LSAMP: variants seen among roughly 807,000 people sequenced by gnomAD.
LSAMP encodes limbic system associated membrane protein, also known as limbic system-associated membrane protein.
A neutral mutation model predicts 38.6 loss-of-function variants in LSAMP; 7 were observed. The ratio of observed to expected loss-of-function variants is 0.18; its 90% CI spans 0.10 to 0.34. The LOEUF (loss-of-function observed/expected upper bound fraction) is 0.34. Ranked by LOEUF, LSAMP falls within the 10% of genes least tolerant of loss-of-function variation. The probability of loss-of-function intolerance (pLI) is 1.00; values close to 1 mark genes in which losing one functional copy is unlikely to be tolerated. For missense variants in LSAMP, 313 were observed against 420.0 expected (o/e 0.75, Z 2.23); for synonymous variants, 154 against 166.8 (o/e 0.92, Z 0.59).
chr3:115,873,429 T>C (rs1936101682), intron 3 of LSAMP, among the ~76,000 whole-genome samples: 1 of 150,492 alleles, frequency 6.6e-6, no homozygotes, highest in African/African-American at 2.4e-5. Context: ...AGAAATTCTG[T>C]TTCAGAGAAA....
At chr3:116,149,691 A>G (rs190520093) in intron 1 of LSAMP, among the ~76,000 whole-genome samples, 40 of 152,076 alleles carry the variant, frequency 2.6e-4, no homozygotes, top group Admixed American at 2.1e-3. Context: ...ACAGCATTCA[A>G]TGGTTCATTT....
At chr3:116,121,854 C>T (rs9827733) in intron 1 of LSAMP, among the ~76,000 whole-genome samples, 21,538 of 150,804 alleles carry the variant, frequency 0.14, 1,783 homozygotes, top group Non-Finnish European at 0.19. Context: ...AATTCATAAA[C>T]TTTCTTAAAA....
chr3:116,191,392 G>A (rs762581330), intron 1 of LSAMP, among the ~76,000 whole-genome samples: 7 of 152,134 alleles, frequency 4.6e-5, no homozygotes, highest in Non-Finnish European at 8.8e-5. Context: ...ATCACCCTAA[G>A]GGATCTACAG....
At position 115,807,777 on chromosome 3, in the gene LSAMP, C is replaced by CTTCTTAGTTTGGT. The variant is rs1413985895; in HGVS notation, c.*2539_*2540insACCAAACTAAGAA. On this transcript the variant is annotated 3_prime_UTR_variant, in exon 7 of 7. Coordinates refer to ENST00000490035, the MANE Select transcript of LSAMP (RefSeq NM_002338.5). ...ACCCTTTATTCTTGAACTAAGAAGA[C>CTTCTTAGTTTGGT]CAAACTGTTAAGAGAAATACCTGAT... The CTTCTTAGTTTGGT allele has an allele frequency of 3.7e-4, 56 of 152,248 alleles. No homozygotes were observed. The highest frequency in any genetic ancestry group is 1.3e-3 in the African/African-American group (55 of 41,560). The allele number at this position is 152,248 out of a possible 1,614,324, so 9.4% of individuals were successfully genotyped here.
chr3:115,992,344 A>G (rs1370820267), intron 3 of LSAMP, among the ~76,000 whole-genome samples: 1 of 151,486 alleles, frequency 6.6e-6, no homozygotes, highest in Non-Finnish European at 1.5e-5. Flanking sequence ...CCATCTCGCT[A>G]CTCTCCTCCT....
intron 1 of LSAMP, among the ~76,000 whole-genome samples, chr3:116,250,216 A>G (rs774914730): frequency 1.3e-5 from 2 of 152,232 alleles, no homozygotes; most frequent in African/African-American, 4.8e-5. Context: ...TTAAATACAT[A>G]TAATCATTGT....
intron 2 of LSAMP, among the ~76,000 whole-genome samples, chr3:116,053,021 C>T (rs1262334066): frequency 6.6e-6 from 1 of 152,194 alleles, no homozygotes; most frequent in East Asian, 1.9e-4. Flanking sequence ...AGGATGTTCA[C>T]TCTTAAGCCC....
intron 1 of LSAMP, among the ~76,000 whole-genome samples, chr3:116,138,154 C>T (rs887307476): frequency 6.6e-6 from 1 of 152,054 alleles, no homozygotes; most frequent in Admixed American, 6.6e-5. Flanking sequence ...CTTTGAACAT[C>T]AAAGTTGTAA....
At chr3:115,815,208 TTTA>T (rs775745744) in intron 6 of LSAMP, among the ~76,000 whole-genome samples, 4 of 152,162 alleles carry the variant, frequency 2.6e-5, no homozygotes, top group African/African-American at 7.2e-5. Context: ...TTAGAATTGT[TTTA>T]TTATTATTGT....
intron 3 of LSAMP, among the ~76,000 whole-genome samples, chr3:115,860,530 A>G (rs1265123659): frequency 3.3e-5 from 5 of 152,216 alleles, no homozygotes; most frequent in Non-Finnish European, 7.3e-5. Flanking sequence ...TAAAGAAGGT[A>G]AAAAGACAGG....
chr3:116,031,538 C>CTTTTTTTTTTTTTTTTTTTTTTT (rs56951507), intron 2 of LSAMP, among the ~76,000 whole-genome samples: 2 of 60,238 alleles, frequency 3.3e-5, no homozygotes, highest in Non-Finnish European at 3.2e-5. Flanking sequence ...AGCCTAAATT[C>CTTTTTTTTTTTTTTTTTTTTTTT]TTTTTTTTTT....
chr3:116,397,666 G>C (rs2048786676), intron 1 of LSAMP, among the ~76,000 whole-genome samples: 1 of 152,114 alleles, frequency 6.6e-6, no homozygotes, highest in South Asian at 2.1e-4. Context: ...GAAATGAACA[G>C]CCTGGTAATA....
At chr3:116,158,112 C>A (rs1228165737) in intron 1 of LSAMP, among the ~76,000 whole-genome samples, 1 of 151,988 alleles carries the variant, frequency 6.6e-6, no homozygotes, top group Non-Finnish European at 1.5e-5. Flanking sequence ...AAAAAGAGAT[C>A]ATCTTAATAG....
chr3:115,940,783 A>G (rs1418546209), intron 3 of LSAMP, among the ~76,000 whole-genome samples: 1 of 152,256 alleles, frequency 6.6e-6, no homozygotes, highest in African/African-American at 2.4e-5. Flanking sequence ...CTTTCATGCC[A>G]GTATTATGCT....
intron 1 of LSAMP, among the ~76,000 whole-genome samples, chr3:116,260,450 ATATAT>A (rs1042626176): frequency 1.8e-4 from 27 of 152,018 alleles, no homozygotes; most frequent in Middle Eastern, 3.4e-3. Context: ...AACTATACTA[ATATAT>A]TATAAATGTA....
intron 1 of LSAMP, among the ~76,000 whole-genome samples, chr3:116,366,907 T>G (rs1028813309): frequency 1.3e-5 from 2 of 152,178 alleles, no homozygotes; most frequent in African/African-American, 2.4e-5. Flanking sequence ...AGCCACCGCA[T>G]TGCCTAGACC....
At chr3:116,370,367 C>G (rs557419060) in intron 1 of LSAMP, among the ~76,000 whole-genome samples, 1 of 152,248 alleles carries the variant, frequency 6.6e-6, no homozygotes, top group Non-Finnish European at 1.5e-5. Flanking sequence ...AGAAATCTGT[C>G]CCTTTACCAG....
chr3:116,229,552 C>T (rs2046378482), intron 1 of LSAMP, among the ~76,000 whole-genome samples: 1 of 151,912 alleles, frequency 6.6e-6, no homozygotes, highest in African/African-American at 2.4e-5. Flanking sequence ...ACAGATAAGA[C>T]CACAAATGCT....
intron 1 of LSAMP, among the ~76,000 whole-genome samples, chr3:116,436,835 G>T (rs186824105): frequency 3.8e-4 from 58 of 152,106 alleles, no homozygotes; most frequent in African/African-American, 1.2e-3. Flanking sequence ...CTGGATATCT[G>T]CCCAGAGGAA....
Sources: allele counts gnomAD v4.1 joint callset (sites outside exome capture counted in the v4.1 genomes callset), GRCh38; gene constraint gnomAD v4.1.1; transcripts MANE v1.5; gene names NCBI Gene and HGNC (gene_info 2026-07-23, HGNC 2026-07-21).